Variants in CLIC6 observed in about 807,000 individuals in gnomAD.
CLIC6 encodes CLIC family member 6.
CLIC6 carries 39 observed loss-of-function variants against 49.2 expected under a neutral mutation model. The ratio of observed to expected loss-of-function variants is 0.79; its 90% confidence interval spans 0.61 to 1.04. CLIC6 has a LOEUF of 1.04. Among genes scored for constraint, CLIC6 ranks in the 50% least tolerant of loss-of-function variants. CLIC6 has a pLI of 0.00. For synonymous variants in CLIC6, 446 were observed against 433.4 expected (o/e 1.03, Z -0.36); for missense variants, 988 against 993.1 (o/e 0.99, Z 0.07).
chr21:34,698,553 G>T (rs545434487), intron 1 of CLIC6, among the ~76,000 whole-genome samples: 1 of 152,258 alleles, frequency 6.6e-6, no homozygotes, highest in African/African-American at 2.4e-5. Flanking sequence ...AGACGGAAGG[G>T]AGGATGGAAG....
chr21:34,684,362 A>G (rs756765325), intron 1 of CLIC6, among the ~76,000 whole-genome samples: 6 of 152,166 alleles, frequency 3.9e-5, no homozygotes, highest in Non-Finnish European at 5.9e-5. Context: ...GGGCAGTGAC[A>G]ACAGTCTAGG....
At position 34,718,045 on chromosome 21, in the gene CLIC6, A is replaced by C. The variant is rs527924185; in HGVS notation, c.*1563A>C. On this transcript the variant is annotated 3_prime_UTR_variant, in exon 6 of 6. Transcript: ENST00000349499. ...ATGTCACCCTTGTCCACGTTGTTTC[A>C]CATCTGGTTAGGGGGCAGATTTTAA... is the stretch of plus-strand genomic sequence containing the variant. 2 of 152,742 alleles carry C rather than the reference A, an allele frequency of 1.3e-5. No individual in the cohort carries two copies. Among genetic ancestry groups the C allele is most frequent in the Non-Finnish European group, 2.9e-5 (2 of 68,028 alleles). The allele number at this position is 152,742 out of a possible 1,614,324, so 9.5% of individuals were successfully genotyped here.
At chr21:34,702,364 G>T (rs1174482797) in intron 1 of CLIC6, among the ~76,000 whole-genome samples, 1 of 152,092 alleles carries the variant, frequency 6.6e-6, no homozygotes, top group East Asian at 1.9e-4. Flanking sequence ...GCAGAGGCGT[G>T]GGGGCGCAGG....
chr21:34,709,941 C>T (rs2056044717), intron 5 of CLIC6, among the ~76,000 whole-genome samples: 2 of 152,160 alleles, frequency 1.3e-5, no homozygotes, highest in East Asian at 3.9e-4. Flanking sequence ...CACATGGCCC[C>T]TTCTAGGGAT....
At position 34,700,401 on chromosome 21, in the gene CLIC6, C is replaced by A. The variant is rs13051857; in HGVS notation, c.1375-6879C>A. On this transcript the variant is annotated intron_variant, in intron 1 of 5. Transcript: ENST00000349499. ...GGCGGAGCTTGCAGTGAGCCGAGATCGCGCCACCGCACTCCAGCCTGGGCG... is the reference window on the plus strand; with the variant it reads ...GGCGGAGCTTGCAGTGAGCCGAGATAGCGCCACCGCACTCCAGCCTGGGCG... Among the ~76,000 whole-genome samples, 82 of 129,168 alleles carry A rather than the reference C, an allele frequency of 6.3e-4. 4 individuals are homozygous for A. The South Asian group carries it at 0.011, about 17-fold the overall frequency. The allele number at this position is 129,168 out of a possible 152,430, so 84.7% of individuals were successfully genotyped here.
At chr21:34,712,679 G>A (rs1287808412) in intron 5 of CLIC6, among the ~76,000 whole-genome samples, 1 of 152,186 alleles carries the variant, frequency 6.6e-6, no homozygotes. Context: ...CAGTCTGGAG[G>A]GGAGGTAAAG....
intron 5 of CLIC6, among the ~76,000 whole-genome samples, chr21:34,710,612 G>A (rs2056049987): frequency 6.6e-6 from 1 of 152,160 alleles, no homozygotes; most frequent in African/African-American, 2.4e-5. Context: ...AGGAGATCGA[G>A]ACCATCCTGG....
chr21:34,685,359 G>A (rs1989857615), intron 1 of CLIC6, among the ~76,000 whole-genome samples: 2 of 152,198 alleles, frequency 1.3e-5, no homozygotes, highest in African/African-American at 4.8e-5. Flanking sequence ...CAAGACGTCG[G>A]CACATCACAG....
intron 2 of CLIC6, 108 bp downstream of exon 2, chr21:34,707,497 C>A: frequency 1.3e-6 from 1 of 743,678 alleles, no homozygotes; most frequent in Non-Finnish European, 2.3e-6. Flanking sequence ...TGCATGGGCA[C>A]GTCCATCCTC....
Position 34,709,434 on chromosome 21 carries a change from G to A in CLIC6, c.1795G>A (p.Ala599Thr). Residue 599 changes from alanine (A) to threonine (T), a missense_variant, in exon 5 of 6, where the codon GCC becomes ACC. Ala to Thr is a moderately conservative substitution (Grantham distance 58). Transcript: ENST00000349499. ...TAGCCCTCTGCCTGATGAAATAGAT[G>A]CCTACAGCACCGAGGATGTCACTGT... ...LNSPLPDEIDAYSTEDVTVSG... is the reference protein window; with the variant it reads ...LNSPLPDEIDTYSTEDVTVSG... The A allele has an allele frequency of 6.2e-7, 1 of 1,613,988 alleles. No homozygotes were observed. Among genetic ancestry groups the A allele is most frequent in the Non-Finnish European group, 8.5e-7 (1 of 1,179,870 alleles).
chr21:34,705,448 GC>G (rs1419510144), intron 1 of CLIC6, among the ~76,000 whole-genome samples: 1 of 152,156 alleles, frequency 6.6e-6, no homozygotes, highest in Non-Finnish European at 1.5e-5. Flanking sequence ...GGGCCCATCT[GC>G]CGGGACTTGT....
At position 34,670,170 on chromosome 21, in the gene CLIC6, A is replaced by G. The variant is rs1356013542; in HGVS notation, c.782A>G (p.Glu261Gly). The G allele has an allele frequency of 2.3e-5, 20 of 879,398 alleles. No individual in the cohort carries two copies. The highest frequency in any genetic ancestry group is 2.9e-5 in the Non-Finnish European group (19 of 664,228). 54.5% of individuals were successfully genotyped at this position (879,398 alleles called of 1,614,324 possible). The change falls in exon 1 of 6, where the codon GAA becomes GGA. Residue 261 changes from glutamate (E) to glycine (G), a missense_variant. Physicochemically the swap from Glu to Gly is moderately conservative, Grantham distance 98. Around this residue, in one of 3 missense-constraint regions of CLIC6, gnomAD observed 647 missense variants for 596.9 expected, o/e 1.08. Transcript: ENST00000349499. ...EAGDPAGDGV[E>G]AGVPAGDSVE... ...GGGGACCCGGCGGGGGACGGCGTAGAAGCGGGGGTCCCGGCGGGGGACAGC... is the reference window on the plus strand; with the variant it reads ...GGGGACCCGGCGGGGGACGGCGTAGGAGCGGGGGTCCCGGCGGGGGACAGC...
chr21:34,696,447 G>A (rs994379025), intron 1 of CLIC6, among the ~76,000 whole-genome samples: 4 of 152,080 alleles, frequency 2.6e-5, no homozygotes, highest in African/African-American at 7.2e-5. Context: ...ATCACTCTGA[G>A]GAAGGACCCT....
chr21:34,699,415 C>CTTTTT (rs10604054), intron 1 of CLIC6, among the ~76,000 whole-genome samples: 119 of 134,820 alleles, frequency 8.8e-4, no homozygotes, highest in Non-Finnish European at 1.5e-3. Context: ...CCATACCTGG[C>CTTTTT]TTTTTTTTTT....
At position 34,702,218 on chromosome 21, in the gene CLIC6, C is replaced by A. The variant is rs374132388; in HGVS notation, c.1375-5062C>A. On this transcript the variant is annotated intron_variant, in intron 1 of 5. Transcript: ENST00000349499. ...ACCCTCATAGAAAGGGGCAGAGAGA[C>A]CCCAGCTCCCCCACCTTTTCCTCGT... is the stretch of plus-strand genomic sequence containing the variant. 3.9e-5 allele frequency among the ~76,000 whole-genome samples: 6 copies of A among 152,264 alleles called. No homozygotes were observed. The East Asian group carries it at 9.7e-4, about 25-fold the overall frequency.
At chr21:34,690,228 C>A (rs1014482170) in intron 1 of CLIC6, among the ~76,000 whole-genome samples, 4 of 152,144 alleles carry the variant, frequency 2.6e-5, no homozygotes, top group Non-Finnish European at 5.9e-5. Flanking sequence ...GGATATCCAG[C>A]GGTGCAGGAT....
At chr21:34,689,778 CT>C (rs1431783573) in intron 1 of CLIC6, among the ~76,000 whole-genome samples, 1 of 152,098 alleles carries the variant, frequency 6.6e-6, no homozygotes, top group Non-Finnish European at 1.5e-5. Flanking sequence ...GAAGATTTTT[CT>C]TTTCAATCCA....
chr21:34,696,490 G>A (rs539308059), intron 1 of CLIC6, among the ~76,000 whole-genome samples: 4 of 14,290 alleles, frequency 2.8e-4, no homozygotes, highest in Non-Finnish European at 3.7e-4. Flanking sequence ...TTTGTCCAGG[G>A]TGGGAATGAG....
At chr21:34,681,609 G>A (rs1601263307) in intron 1 of CLIC6, among the ~76,000 whole-genome samples, 1 of 151,570 alleles carries the variant, frequency 6.6e-6, no homozygotes, top group Non-Finnish European at 1.5e-5. Context: ...TTGGCAGGAG[G>A]TGCAGTTAGT....
Sources: allele counts gnomAD v4.1 joint callset (sites outside exome capture counted in the v4.1 genomes callset), GRCh38; gene constraint gnomAD v4.1.1; regional missense constraint gnomAD v4.1.1; transcripts MANE v1.5; gene names NCBI Gene and HGNC (gene_info 2026-07-23, HGNC 2026-07-21).